Variants in ZBTB20 observed in about 807,000 individuals in gnomAD.
ZBTB20 encodes zinc finger and BTB domain-containing protein 20.
ZBTB20 carries 9 observed loss-of-function variants against 56.9 expected under a neutral mutation model. The ratio of observed to expected loss-of-function variants is 0.16; its 90% CI spans 0.10 to 0.28. The LOEUF (loss-of-function observed/expected upper bound fraction) is 0.28. ZBTB20 is among the 10% of genes least tolerant of loss of function. ZBTB20 has a pLI of 1.00. For missense variants in ZBTB20, 655 were observed against 1,003.0 expected (o/e 0.65, Z 4.69); for synonymous variants, 417 against 420.7 (o/e 0.99, Z 0.11).
In ZBTB20 at chr3:114,890,469, G is replaced by A. The variant is rs150176624; in HGVS notation, c.-417+9835C>T. Among the ~76,000 whole-genome samples the A allele has an allele frequency of 9.3e-3, 1,416 of 152,280 alleles. 7 individuals carry two copies. The highest frequency in any genetic ancestry group is 0.014 in the Non-Finnish European group (954 of 68,018). ...TAGCGTAGGGACATGGATGAAGCTA[G>A]AAACCATCATTCTGAGCAAACTGTC... On this transcript the variant is annotated intron_variant, in intron 4 of 11. Coordinates refer to ENST00000675478, the MANE Select transcript of ZBTB20 (RefSeq NM_001348800.3).
intron 1 of ZBTB20, among the ~76,000 whole-genome samples, chr3:115,128,557 G>A (rs1446628430): frequency 4.0e-5 from 6 of 151,756 alleles, no homozygotes; most frequent in Non-Finnish European, 7.4e-5. Context: ...CTAGCTACTC[G>A]GGAGGCTGAA....
chr3:114,356,389 G>A (rs2081259121), intron 10 of ZBTB20, among the ~76,000 whole-genome samples: 1 of 152,160 alleles, frequency 6.6e-6, no homozygotes, highest in Non-Finnish European at 1.5e-5. Flanking sequence ...AATTAGGTGT[G>A]AAATCCAGTT....
intron 4 of ZBTB20, among the ~76,000 whole-genome samples, chr3:114,808,296 T>C (rs2072269565): frequency 6.6e-6 from 1 of 152,010 alleles, no homozygotes; most frequent in Non-Finnish European, 1.5e-5. Context: ...GGTCAACCAA[T>C]GATCAGTCAC....
intron 7 of ZBTB20, among the ~76,000 whole-genome samples, chr3:114,453,931 C>CG (rs1380799115): frequency 1.6e-5 from 2 of 123,288 alleles, no homozygotes; most frequent in African/African-American, 6.0e-5. Flanking sequence ...TCCCCCCCCC[C>CG]CCACCCTTCC....
chr3:114,654,953 C>A (rs2060314001), intron 6 of ZBTB20, among the ~76,000 whole-genome samples: 1 of 152,032 alleles, frequency 6.6e-6, no homozygotes, highest in African/African-American at 2.4e-5. Context: ...TATTAATATT[C>A]CAACCTAGCT....
chr3:114,893,095 T>C (rs2076884183), intron 4 of ZBTB20, among the ~76,000 whole-genome samples: 1 of 152,110 alleles, frequency 6.6e-6, no homozygotes, highest in Non-Finnish European at 1.5e-5. Flanking sequence ...CTCCAAACCT[T>C]GTTTGTACAA....
At chr3:114,466,620 G>A (rs1396809445) in intron 7 of ZBTB20, among the ~76,000 whole-genome samples, 2 of 152,188 alleles carry the variant, frequency 1.3e-5, no homozygotes, top group East Asian at 1.9e-4. Context: ...AGATACTATG[G>A]CCTGGAAAAT....
chr3:114,859,572 G>GTT lies in ZBTB20; in HGVS notation c.-417+40730_-417+40731dup, dbSNP rs59741665. Among the ~76,000 whole-genome samples, 267 of 116,598 alleles carry GTT rather than the reference G, an allele frequency of 2.3e-3. 5 individuals are homozygous for GTT. The highest frequency in any genetic ancestry group is 7.4e-3 in the African/African-American group (239 of 32,426). The allele number at this position is 116,598 out of a possible 152,430, so 76.5% of individuals were successfully genotyped here. On this transcript the variant is annotated intron_variant, in intron 4 of 11. Coordinates refer to ENST00000675478, the MANE Select transcript of ZBTB20 (RefSeq NM_001348800.3). ...GGAAATTTAGATAACTTCTTATGGCGTTTTTTTTTTTTTTTTTTGAGTTTA... is the reference window on the plus strand; with the variant it reads ...GGAAATTTAGATAACTTCTTATGGCGTTTTTTTTTTTTTTTTTTTTGAGTTTA...
chr3:114,336,689 T>C lies in ZBTB20; in HGVS notation c.*2316A>G, dbSNP rs1382849832. The C allele has an allele frequency of 2.0e-5, 3 of 152,012 alleles. No individual in the cohort carries two copies. The highest frequency in any genetic ancestry group is 7.2e-5 in the African/African-American group (3 of 41,384). The allele number at this position is 152,012 out of a possible 1,614,324, so 9.4% of individuals were successfully genotyped here. ...TAAAACCAATTTAGTCATTACAGAG[T>C]TGTTTGTGTTGGAAGATTTTCCCTC... is the stretch of plus-strand genomic sequence containing the variant. On this transcript the variant is annotated 3_prime_UTR_variant, in exon 12 of 12. Coordinates refer to ENST00000675478, the MANE Select transcript of ZBTB20 (RefSeq NM_001348800.3).
intron 1 of ZBTB20, among the ~76,000 whole-genome samples, chr3:115,136,963 A>C (rs1290808275): frequency 6.6e-6 from 1 of 152,138 alleles, no homozygotes; most frequent in Non-Finnish European, 1.5e-5. Flanking sequence ...CCCACAGGCT[A>C]TCAAAATTAC....
intron 1 of ZBTB20, among the ~76,000 whole-genome samples, chr3:115,108,907 T>C (rs2083797736): frequency 6.6e-6 from 1 of 152,152 alleles, no homozygotes; most frequent in African/African-American, 2.4e-5. Context: ...GAGTTTAGTA[T>C]CTGAATGATA....
chr3:114,739,554 A>G (rs2066429840), intron 5 of ZBTB20, among the ~76,000 whole-genome samples: 1 of 152,190 alleles, frequency 6.6e-6, no homozygotes, highest in African/African-American at 2.4e-5. Flanking sequence ...AGTCTCCAAC[A>G]TTTGGAACAA....
intron 6 of ZBTB20, among the ~76,000 whole-genome samples, chr3:114,616,333 T>C (rs2057940837): frequency 6.6e-6 from 1 of 152,190 alleles, no homozygotes; most frequent in South Asian, 2.1e-4. Flanking sequence ...ATCATCTCCC[T>C]TGATGCCGAT....
chr3:114,592,348 TTG>T (rs762269913), intron 6 of ZBTB20, among the ~76,000 whole-genome samples: 6 of 152,186 alleles, frequency 3.9e-5, no homozygotes, highest in Admixed American at 1.3e-4. Flanking sequence ...TATCAAGGCG[TTG>T]TGTCCTGGTA....
chr3:115,039,375 T>G (rs1380364549), intron 2 of ZBTB20, among the ~76,000 whole-genome samples: 1 of 152,066 alleles, frequency 6.6e-6, no homozygotes, highest in Non-Finnish European at 1.5e-5. Flanking sequence ...CAAATGAGAT[T>G]ACTCTGTATG....
chr3:114,930,788 C>A, intron 3 of ZBTB20: 1 of 290,970 alleles, frequency 3.4e-6, no homozygotes, highest in South Asian at 4.3e-5. Flanking sequence ...AAGAGTAACC[C>A]CAGGAAGTAC....
At chr3:114,413,222 T>C (rs1335694714) in intron 7 of ZBTB20, among the ~76,000 whole-genome samples, 1 of 152,196 alleles carries the variant, frequency 6.6e-6, no homozygotes, top group Non-Finnish European at 1.5e-5. Context: ...GGTAAATGTC[T>C]ATAAAGAAAC....
chr3:114,335,508 A>G lies in ZBTB20; in HGVS notation c.*3497T>C, dbSNP rs2079423516. 6.6e-6 allele frequency: 1 copy of G among 152,220 alleles called. No homozygotes were observed. The highest frequency in any genetic ancestry group is 1.5e-5 in the Non-Finnish European group (1 of 68,032). The allele number at this position is 152,220 out of a possible 1,614,324, so 9.4% of individuals were successfully genotyped here. A position where few individuals can be genotyped will look rare whatever the true frequency, so the allele number is the denominator to read the frequency against. Reference sequence around the variant, plus strand: ...CTCTATCCTTTTGAAACAGGTCCAGATTGGTTTATTTCCTAAAATGTGGGT... The same window carrying G: ...CTCTATCCTTTTGAAACAGGTCCAGGTTGGTTTATTTCCTAAAATGTGGGT... On this transcript the variant is annotated 3_prime_UTR_variant, in exon 12 of 12. Transcript: ENST00000675478.
At chr3:114,410,630 A>C (rs1464187361) in intron 7 of ZBTB20, among the ~76,000 whole-genome samples, 2 of 152,206 alleles carry the variant, frequency 1.3e-5, no homozygotes, top group Admixed American at 1.3e-4. Flanking sequence ...GTTTTCCTTC[A>C]AACTCTAGCA....
Sources: allele counts gnomAD v4.1 joint callset (sites outside exome capture counted in the v4.1 genomes callset), GRCh38; gene constraint gnomAD v4.1.1; transcripts MANE v1.5; gene names NCBI Gene and HGNC (gene_info 2026-07-23, HGNC 2026-07-21).